Variants in LRRK1 observed in about 807,000 individuals in gnomAD.
The protein encoded by LRRK1 is leucine rich repeat kinase 1, also known as leucine-rich repeat serine/threonine-protein kinase 1.
LRRK1 carries 113 observed loss-of-function variants against 209.1 expected under a neutral mutation model. That is an observed-to-expected ratio of 0.54 (90% CI 0.46 to 0.63). The LOEUF is 0.63. Ranked by LOEUF, LRRK1 falls within the 30% of genes least tolerant of loss-of-function variation. The pLI is 0.00. For synonymous variants in LRRK1, 1,144 were observed against 1,099.7 expected (o/e 1.04, Z -0.80); for missense variants, 2,284 against 2,632.2 (o/e 0.87, Z 2.89).
At chr15:101,062,962 GGACTGTTGGTACA>G (rs2036276296) in intron 31 of LRRK1, among the ~76,000 whole-genome samples, 1 of 152,150 alleles carries the variant, frequency 6.6e-6, no homozygotes, top group African/African-American at 2.4e-5. Flanking sequence ...TCAGGTGGAA[GGACTGTTGGTACA>G]AATGGCACGG....
chr15:101,058,426 C>T (rs1220711833), intron 29 of LRRK1, among the ~76,000 whole-genome samples: 1 of 152,184 alleles, frequency 6.6e-6, no homozygotes, highest in African/African-American at 2.4e-5. Flanking sequence ...CAGTCCTAGC[C>T]ACTCCAGAGG....
At chr15:100,986,829 G>A (rs538533875) in intron 4 of LRRK1, among the ~76,000 whole-genome samples, 11 of 152,242 alleles carry the variant, frequency 7.2e-5, no homozygotes, top group Admixed American at 5.2e-4. Flanking sequence ...TCTCCCCCAG[G>A]GCTCTGCAGA....
At chr15:100,969,300 T>C (rs1289604552) in intron 2 of LRRK1, among the ~76,000 whole-genome samples, 1 of 152,234 alleles carries the variant, frequency 6.6e-6, no homozygotes, top group African/African-American at 2.4e-5. Flanking sequence ...GGCAGAAGTT[T>C]TAAATTTTGA....
chr15:101,027,706 C>A lies in LRRK1; in HGVS notation c.2595C>A (p.Asp865Glu). The change falls in exon 19 of 34, where the codon GAC becomes GAA. Residue 865 changes from aspartate (D) to glutamate (E), a missense_variant. Asp to Glu is a conservative substitution (Grantham distance 45). This residue lies in a region of LRRK1 where 780 missense variants were observed against 985.2 expected (regional missense o/e 0.79). Coordinates refer to ENST00000388948, the MANE Select transcript of LRRK1 (RefSeq NM_024652.6). This position sits in a 1 kb window ranked among gnomAD's most constrained non-coding sequence, Gnocchi z 5.1. ...AGCAGCAGCGCCGCAGCCGGGACGA[C>A]GACGTGCAGTACCTGACGGACAGGC... ...LAEQQRRSRDDDVQYLTDRQL... is the reference protein window; with the variant it reads ...LAEQQRRSRDEDVQYLTDRQL... 1 of 1,612,768 alleles carries A rather than the reference C, an allele frequency of 6.2e-7. No individual in the cohort carries two copies. Among genetic ancestry groups the A allele is most frequent in the African/African-American group, 1.3e-5 (1 of 75,026 alleles).
At chr15:101,028,865 T>A in intron 19 of LRRK1, 91 bp from the exon 20 acceptor site, 1 of 1,350,768 alleles carries the variant, frequency 7.4e-7, no homozygotes, top group South Asian at 1.4e-5. Context: ...GAATAATTTG[T>A]GACCTGGGTC....
At chr15:100,941,222 CTGTG>C (rs1189492122) in intron 2 of LRRK1, among the ~76,000 whole-genome samples, 1 of 131,222 alleles carries the variant, frequency 7.6e-6, no homozygotes, top group South Asian at 2.5e-4. Flanking sequence ...CTGTATGTGT[CTGTG>C]TGTGTGTCTG....
At chr15:100,973,572 C>T (rs1304292644) in intron 2 of LRRK1, among the ~76,000 whole-genome samples, 1 of 152,178 alleles carries the variant, frequency 6.6e-6, no homozygotes, top group Non-Finnish European at 1.5e-5. Flanking sequence ...GGTCTCGCTG[C>T]AGAATCCTCC....
chr15:101,012,060 CTGT>C lies in LRRK1; in HGVS notation c.1335_1337del (p.Val446del). 1 of 1,611,646 alleles carries C rather than the reference CTGT, an allele frequency of 6.2e-7. No homozygotes were observed. The highest frequency in any genetic ancestry group is 1.1e-5 in the South Asian group (1 of 90,630). ...CTGGAATGTCTGCCAGACAAAATGGCTGTCTTTTGGAAAAATCACCTGAAGGAT... is the reference window on the plus strand; with the variant it reads ...CTGGAATGTCTGCCAGACAAAATGGCCTTTTGGAAAAATCACCTGAAGGAT... On this transcript the variant is annotated inframe_deletion, in exon 10 of 34. Coordinates refer to ENST00000388948, the MANE Select transcript of LRRK1 (RefSeq NM_024652.6).
rs531459480 is a variant in LRRK1 at position 101,027,179 on chromosome 15, A to G, written c.2406-82A>G. On this transcript the variant is annotated intron_variant, in intron 17 of 33. Transcript: ENST00000388948. This position sits in a 1 kb window ranked among gnomAD's most constrained non-coding sequence, Gnocchi z 5.1. Reference sequence around the variant, plus strand: ...CTCCAGACTTGCCAGCGTTCAGGACAAACCTCTCAGGGAAACAGAGAAGCA... The same window carrying G: ...CTCCAGACTTGCCAGCGTTCAGGACGAACCTCTCAGGGAAACAGAGAAGCA... 218 of 1,567,986 alleles carry G rather than the reference A, an allele frequency of 1.4e-4. 2 individuals are homozygous for G. In the South Asian group the frequency reaches 2.3e-3, roughly 17 times the overall value.
intron 6 of LRRK1, among the ~76,000 whole-genome samples, chr15:100,995,012 A>G (rs1596249019): frequency 6.6e-6 from 1 of 152,218 alleles, no homozygotes; most frequent in Non-Finnish European, 1.5e-5. Flanking sequence ...CTGACATGAC[A>G]CATGGTCTGA....
intron 20 of LRRK1, among the ~76,000 whole-genome samples, chr15:101,038,067 G>A (rs191350787): frequency 6.6e-6 from 1 of 152,198 alleles, no homozygotes; most frequent in East Asian, 1.9e-4. Context: ...AATGGCATCT[G>A]CAGCAACCTG....
In LRRK1 at chr15:100,961,545, C is replaced by T. The variant is rs370982655; in HGVS notation, c.98-12259C>T. Among the ~76,000 whole-genome samples, 51 of 151,440 alleles carry T rather than the reference C, an allele frequency of 3.4e-4. No individual in the cohort carries two copies. The East Asian group carries it at 3.7e-3, about 11-fold the overall frequency. ...GTGCGTGCCTGTAATCCCAGCTACTCGGGAGGCTGAGGCAGGAGAATCACT... is the reference window on the plus strand; with the variant it reads ...GTGCGTGCCTGTAATCCCAGCTACTTGGGAGGCTGAGGCAGGAGAATCACT... On this transcript the variant is annotated intron_variant, in intron 2 of 33. Coordinates refer to ENST00000388948, the MANE Select transcript of LRRK1 (RefSeq NM_024652.6).
chr15:101,022,379 A>C lies in LRRK1; in HGVS notation c.1853-4A>C, dbSNP rs756638257. 5 of 1,613,798 alleles carry C rather than the reference A, an allele frequency of 3.1e-6. No individual in the cohort carries two copies. The Admixed American group carries it at 5.0e-5, about 16-fold the overall frequency. ...CTACCCTTCCCCTTAATGATTTTGCACAGGCCCCAAAGCAATGCTGTCTTA... is the reference window on the plus strand; with the variant it reads ...CTACCCTTCCCCTTAATGATTTTGCCCAGGCCCCAAAGCAATGCTGTCTTA... On this transcript the variant is annotated splice_region_variant and splice_polypyrimidine_tract_variant and intron_variant, in intron 14 of 33. Transcript: ENST00000388948. This position sits in a 1 kb window ranked among gnomAD's most constrained non-coding sequence, Gnocchi z 4.0.
At chr15:100,970,583 T>C (rs1228589404) in intron 2 of LRRK1, among the ~76,000 whole-genome samples, 1 of 152,216 alleles carries the variant, frequency 6.6e-6, no homozygotes, top group East Asian at 1.9e-4. Flanking sequence ...TCCAACTCCA[T>C]CCTTTCCAAG....
At chr15:101,057,832 T>C (rs2035899854) in intron 28 of LRRK1, among the ~76,000 whole-genome samples, 158 bp from the exon 29 acceptor site, 1 of 152,236 alleles carries the variant, frequency 6.6e-6, no homozygotes, top group South Asian at 2.1e-4. Context: ...GGTTTGCTCC[T>C]GACGTCTGAA....
At chr15:101,011,337 G>C (rs573969927) in intron 9 of LRRK1, among the ~76,000 whole-genome samples, 1 of 151,760 alleles carries the variant, frequency 6.6e-6, no homozygotes, top group Admixed American at 6.6e-5. Context: ...TAAGCTGGGC[G>C]TGGTGGCACG....
Position 101,066,671 on chromosome 15 carries a change from G to A in LRRK1, c.5800G>A (p.Glu1934Lys), listed in dbSNP as rs200916884. 1 of 1,614,234 alleles carries A rather than the reference G, an allele frequency of 6.2e-7. No homozygotes were observed. Among genetic ancestry groups the A allele is most frequent in the South Asian group, 1.1e-5 (1 of 91,090 alleles). The change falls in exon 33 of 34, where the codon GAG (glutamate) becomes AAG (lysine). Residue 1934 changes from glutamate (E) to lysine (K), a missense_variant. Physicochemically the swap from Glu to Lys is moderately conservative, Grantham distance 56 (BLOSUM62 1). Coordinates refer to ENST00000388948, the MANE Select transcript of LRRK1 (RefSeq NM_024652.6). ...RGGDVIVIGL[E>K]KDSGAQRGRV... is the part of the protein sequence containing the mutation. ...TGGAGATGTTATCGTCATTGGCCTG[G>A]AGAAGGATTCTGGCGCCCAGCGGGG...
chr15:100,985,338 T>A (rs1288454293), intron 4 of LRRK1, among the ~76,000 whole-genome samples: 1 of 152,226 alleles, frequency 6.6e-6, no homozygotes, highest in African/African-American at 2.4e-5. Context: ...GCTGACTCCG[T>A]CACCTAATGT....
In LRRK1 at chr15:101,040,879, G is replaced by A. The variant is rs569715578; in HGVS notation, c.2964-5102G>A. On this transcript the variant is annotated intron_variant, in intron 20 of 33. Transcript: ENST00000388948. ...AGTGCACACAAGAAACGAGTTTTCT[G>A]TGTTGTGGCTGTAGTATCTTATAAA... 9.2e-5 allele frequency among the ~76,000 whole-genome samples: 14 copies of A among 152,324 alleles called. No homozygotes were observed. In the East Asian group the frequency reaches 2.5e-3, roughly 27 times the overall value.
Sources: allele counts gnomAD v4.1 joint callset (sites outside exome capture counted in the v4.1 genomes callset), GRCh38; gene constraint gnomAD v4.1.1; regional missense constraint gnomAD v4.1.1; non-coding constraint Gnocchi (gnomAD v3.1); transcripts MANE v1.5; gene names NCBI Gene and HGNC (gene_info 2026-07-23, HGNC 2026-07-21).